SPRED2: variants seen among roughly 807,000 people sequenced by gnomAD.
The protein encoded by SPRED2 is sprouty related EVH1 domain containing 2.
SPRED2 carries 47 observed loss-of-function variants against 43.0 expected under a neutral mutation model. The observed-to-expected ratio is 1.09, with a 90% CI of 0.87 to 1.40. The LOEUF (loss-of-function observed/expected upper bound fraction) is 1.40, where lower values mean the gene tolerates loss of function less well. Among genes scored for constraint, SPRED2 ranks in the 40% most tolerant of loss-of-function variants. The pLI is 0.00. For synonymous variants in SPRED2, 225 were observed against 225.7 expected, an observed-to-expected ratio of 1.00 and a Z score of 0.03; for missense variants, 561 against 586.4, an observed-to-expected ratio of 0.96 and a Z score of 0.45.
intron 1 of SPRED2, among the ~76,000 whole-genome samples, chr2:65,412,330 ACT>A (rs1218145712): frequency 6.6e-6 from 1 of 151,994 alleles, no homozygotes; most frequent in African/African-American, 2.4e-5. Context: ...TGGAGTACTG[ACT>A]CTGAGTAGGT....
At chr2:65,407,530 G>A (rs1363815161) in intron 1 of SPRED2, among the ~76,000 whole-genome samples, 1 of 152,132 alleles carries the variant, frequency 6.6e-6, no homozygotes, top group African/African-American at 2.4e-5. Context: ...CCTCTCTGCA[G>A]GGGGTGGGAA....
chr2:65,372,787 G>T (rs1057189023), intron 1 of SPRED2, among the ~76,000 whole-genome samples: 1 of 152,202 alleles, frequency 6.6e-6, no homozygotes, highest in Non-Finnish European at 1.5e-5. Flanking sequence ...TGCACCAAGA[G>T]GATCATTAAC....
intron 1 of SPRED2, among the ~76,000 whole-genome samples, chr2:65,403,224 G>A (rs1005490938): frequency 3.9e-5 from 6 of 152,202 alleles, no homozygotes; most frequent in Admixed American, 1.3e-4. Context: ...AATATTTCCA[G>A]AAGGGGTTAC....
At position 65,363,729 on chromosome 2, in the gene SPRED2, G is replaced by GT. The variant is rs562717628; in HGVS notation, c.27-18834dup. On this transcript the variant is annotated intron_variant, in intron 1 of 5. Transcript: ENST00000356388. ...ACAGCAAGGACAGACTGCAGACTCT[G>GT]TAACAAACAGGTCTCCCTCCAAATA... Among the ~76,000 whole-genome samples the GT allele has an allele frequency of 2.0e-4, 31 of 152,328 alleles. 1 individual carries two copies. The East Asian group carries it at 6.0e-3, about 29-fold the overall frequency.
chr2:65,411,968 A>T (rs985995889), intron 1 of SPRED2, among the ~76,000 whole-genome samples: 5 of 152,146 alleles, frequency 3.3e-5, no homozygotes, highest in Admixed American at 1.3e-4. Context: ...TCTACTAAAG[A>T]TACAAAAAAA....
intron 1 of SPRED2, among the ~76,000 whole-genome samples, chr2:65,416,496 C>T (rs1413431489): frequency 1.3e-5 from 2 of 152,128 alleles, no homozygotes; most frequent in Non-Finnish European, 2.9e-5. Context: ...ACCAAACTAC[C>T]CTCACAGTTT....
intron 1 of SPRED2, among the ~76,000 whole-genome samples, chr2:65,355,830 G>A (rs545709508): frequency 4.1e-4 from 62 of 152,192 alleles, no homozygotes; most frequent in African/African-American, 1.5e-3. Context: ...CCGAAGAAAC[G>A]TTTCTTCTAC....
At position 65,418,185 on chromosome 2, in the gene SPRED2, A is replaced by G. The variant is rs1214937258; in HGVS notation, c.26+13777T>C. ...AACTAATCTGTTTGATTCTACCAACATATCACTTCATCGTCTCTTTGTTTC... is the reference window on the plus strand; with the variant it reads ...AACTAATCTGTTTGATTCTACCAACGTATCACTTCATCGTCTCTTTGTTTC... On this transcript the variant is annotated intron_variant, in intron 1 of 5. Transcript: ENST00000356388. Among the ~76,000 whole-genome samples, 5 of 152,204 alleles carry G rather than the reference A, an allele frequency of 3.3e-5. No homozygotes were observed. The East Asian group carries it at 9.6e-4, about 29-fold the overall frequency.
chr2:65,368,065 T>C (rs767990328), intron 1 of SPRED2, among the ~76,000 whole-genome samples: 1 of 152,164 alleles, frequency 6.6e-6, no homozygotes, highest in Non-Finnish European at 1.5e-5. Context: ...TGTGAAAACA[T>C]GACAAGTCAC....
intron 1 of SPRED2, among the ~76,000 whole-genome samples, chr2:65,386,095 G>A (rs1416967261): frequency 6.6e-6 from 1 of 150,622 alleles, no homozygotes; most frequent in East Asian, 1.9e-4. Context: ...GACCAGCCTG[G>A]CCAACAGGGT....
intron 1 of SPRED2, among the ~76,000 whole-genome samples, chr2:65,422,172 G>A (rs1164499116): frequency 6.7e-6 from 1 of 148,500 alleles, no homozygotes; most frequent in East Asian, 2.0e-4. Flanking sequence ...ACCTAAAAAC[G>A]ACTTGAAAAG....
intron 1 of SPRED2, among the ~76,000 whole-genome samples, chr2:65,362,718 C>T (rs551215442): frequency 2.4e-4 from 36 of 152,066 alleles, no homozygotes; most frequent in Middle Eastern, 3.4e-3. Context: ...ATTAGCCAGG[C>T]GTGGTGGTGC....
chr2:65,370,760 T>C (rs1018993950), intron 1 of SPRED2, among the ~76,000 whole-genome samples: 10 of 152,154 alleles, frequency 6.6e-5, no homozygotes, highest in African/African-American at 2.2e-4. Flanking sequence ...GTGCCTGAGG[T>C]TGCCTGTTGG....
chr2:65,431,861 A>C (rs2103832220), intron 1 of SPRED2, 101 bp downstream of exon 1: 1 of 1,416,598 alleles, frequency 7.1e-7, no homozygotes. Flanking sequence ...GCTGCACCCC[A>C]CGCCAAGTTC....
intron 3 of SPRED2, among the ~76,000 whole-genome samples, chr2:65,333,302 T>C (rs571454646): frequency 6.6e-6 from 1 of 151,200 alleles, no homozygotes; most frequent in Non-Finnish European, 1.5e-5. Flanking sequence ...TGCTATTACA[T>C]GAAATTGAAA....
chr2:65,337,810 T>C (rs1674010884), intron 2 of SPRED2, among the ~76,000 whole-genome samples: 1 of 152,244 alleles, frequency 6.6e-6, no homozygotes, highest in Admixed American at 6.5e-5. Context: ...AAGGCAATGC[T>C]GCAATTTACA....
At chr2:65,379,256 T>C (rs1301713261) in intron 1 of SPRED2, among the ~76,000 whole-genome samples, 1 of 152,200 alleles carries the variant, frequency 6.6e-6, no homozygotes, top group African/African-American at 2.4e-5. Context: ...TAAGTGCTAA[T>C]GTGCATCTTG....
chr2:65,394,105 G>A (rs572228680), intron 1 of SPRED2, among the ~76,000 whole-genome samples: 4 of 151,980 alleles, frequency 2.6e-5, no homozygotes, highest in Non-Finnish European at 5.9e-5. Flanking sequence ...AGCTTTCCCT[G>A]TGCCCAGTGC....
intron 3 of SPRED2, 73 bp downstream of exon 3, chr2:65,334,532 C>T: frequency 6.5e-7 from 1 of 1,547,546 alleles, no homozygotes; most frequent in Non-Finnish European, 8.8e-7. Context: ...TAAATGATGG[C>T]AGACTATTGG....
Sources: gnomAD v4.1 joint callset for allele counts (sites outside exome capture counted in the v4.1 genomes callset) on GRCh38, gnomAD v4.1.1 for gene constraint, MANE v1.5 for transcripts, NCBI Gene and HGNC (gene_info 2026-07-23, HGNC 2026-07-21) for gene names.